NAALADL2: variants seen among roughly 807,000 people sequenced by gnomAD.
NAALADL2 encodes N-acetylated alpha-linked acidic dipeptidase like 2.
In NAALADL2, 76 loss-of-function variants were observed where a neutral mutation model predicts 87.2. The observed-to-expected ratio is 0.87, with a 90% CI of 0.72 to 1.05. The LOEUF (loss-of-function observed/expected upper bound fraction) is 1.05, where lower values mean the gene tolerates loss of function less well. Ranked by LOEUF, NAALADL2 falls within the 50% of genes least tolerant of loss-of-function variation. The pLI is 0.00. For synonymous variants in NAALADL2, 354 were observed against 331.0 expected, an observed-to-expected ratio of 1.07 and a Z score of -0.75; for missense variants, 1,089 against 945.8, an observed-to-expected ratio of 1.15 and a Z score of -1.99.
At chr3:174,609,589 T>G in intron 2 of NAALADL2, among the ~76,000 whole-genome samples, 1 of 152,048 alleles carries the variant, frequency 6.6e-6, no homozygotes, top group East Asian at 1.9e-4. Flanking sequence ...ATAAAATACC[T>G]AGGAATGCAA....
chr3:175,658,982 T>C (rs890943698), intron 11 of NAALADL2, among the ~76,000 whole-genome samples: 26 of 152,148 alleles, frequency 1.7e-4, no homozygotes, highest in African/African-American at 6.3e-4. Flanking sequence ...TGCATTTACA[T>C]GCTAAGGCTA....
intron 3 of NAALADL2, among the ~76,000 whole-genome samples, chr3:175,254,739 C>A (rs967889609): frequency 1.2e-4 from 18 of 152,108 alleles, no homozygotes; most frequent in Admixed American, 3.3e-4. Context: ...TTTACTTAAT[C>A]AGACTTTTAA....
At chr3:175,592,998 A>T (rs571981207) in intron 10 of NAALADL2, among the ~76,000 whole-genome samples, 62 of 152,188 alleles carry the variant, frequency 4.1e-4, no homozygotes, top group Admixed American at 2.7e-3. Context: ...ATTCTTTTTT[A>T]AAAAAATTAA....
chr3:174,607,909 C>G (rs577747103), intron 2 of NAALADL2, among the ~76,000 whole-genome samples: 101 of 151,748 alleles, frequency 6.7e-4, no homozygotes, highest in Admixed American at 1.6e-3. Context: ...TGACCACATA[C>G]TTGGAAGTAA....
At chr3:174,582,493 T>C (rs1578223914) in intron 2 of NAALADL2, among the ~76,000 whole-genome samples, 2 of 152,340 alleles carry the variant, frequency 1.3e-5, no homozygotes, top group East Asian at 1.9e-4. Flanking sequence ...AGGATTCTTA[T>C]TGGATAATAT....
chr3:174,645,072 G>C (rs976123603), intron 2 of NAALADL2, among the ~76,000 whole-genome samples: 9 of 152,110 alleles, frequency 5.9e-5, no homozygotes, highest in African/African-American at 1.7e-4. Context: ...AGCAAGGGCA[G>C]CCCTTGGCCA....
chr3:174,713,410 A>G (rs534228439), intron 2 of NAALADL2, among the ~76,000 whole-genome samples: 11 of 152,334 alleles, frequency 7.2e-5, no homozygotes, highest in African/African-American at 2.4e-4. Flanking sequence ...ACTAGTTTAC[A>G]GTCCCACCAA....
At chr3:174,918,787 C>G (rs1029021167) in intron 1 of NAALADL2, among the ~76,000 whole-genome samples, 2 of 152,150 alleles carry the variant, frequency 1.3e-5, no homozygotes, top group African/African-American at 2.4e-5. Context: ...ATGAAATAAA[C>G]TCTACCACTT....
chr3:174,926,033 C>A (rs567255131), intron 1 of NAALADL2, among the ~76,000 whole-genome samples: 1 of 152,252 alleles, frequency 6.6e-6, no homozygotes, highest in African/African-American at 2.4e-5. Context: ...GAGCTGAAAA[C>A]CATGGCACGA....
At chr3:175,304,034 T>C (rs1317685056) in intron 4 of NAALADL2, among the ~76,000 whole-genome samples, 1 of 151,226 alleles carries the variant, frequency 6.6e-6, no homozygotes, top group Non-Finnish European at 1.5e-5. Context: ...CATATGAAAA[T>C]GAGAGAAAGG....
At chr3:174,808,483 C>G (rs1344671277) in intron 3 of NAALADL2, among the ~76,000 whole-genome samples, 2 of 152,086 alleles carry the variant, frequency 1.3e-5, no homozygotes, top group Non-Finnish European at 2.9e-5. Flanking sequence ...AATATGTGAA[C>G]TAGATATAGC....
intron 3 of NAALADL2, among the ~76,000 whole-genome samples, chr3:174,832,150 A>G (rs1429902070): frequency 1.3e-5 from 2 of 151,834 alleles, no homozygotes; most frequent in Non-Finnish European, 2.9e-5. Flanking sequence ...CCTTCTGCTA[A>G]CTTTTGAATG....
intron 9 of NAALADL2, among the ~76,000 whole-genome samples, chr3:175,542,214 A>G (rs1712474923): frequency 6.6e-6 from 1 of 152,226 alleles, no homozygotes; most frequent in African/African-American, 2.4e-5. Flanking sequence ...CACTTTTATT[A>G]TTAATATTTT....
At chr3:175,613,448 T>G (rs1389930595) in intron 10 of NAALADL2, among the ~76,000 whole-genome samples, 1 of 152,248 alleles carries the variant, frequency 6.6e-6, no homozygotes, top group Non-Finnish European at 1.5e-5. Flanking sequence ...TGCATCGTAG[T>G]GTATTTTATT....
At chr3:175,313,795 T>G (rs1758688053) in intron 4 of NAALADL2, among the ~76,000 whole-genome samples, 1 of 152,142 alleles carries the variant, frequency 6.6e-6, no homozygotes, top group Non-Finnish European at 1.5e-5. Context: ...CCGGGCATGG[T>G]GGCTCACACC....
intron 9 of NAALADL2, among the ~76,000 whole-genome samples, chr3:175,475,999 G>A (rs1380225984): frequency 1.3e-5 from 2 of 152,128 alleles, no homozygotes; most frequent in African/African-American, 2.4e-5. Flanking sequence ...CTGGGATTAC[G>A]GCCATGAGCC....
chr3:174,855,353 G>A (rs1400243321), upstream of NAALADL2, among the ~76,000 whole-genome samples: 4 of 152,042 alleles, frequency 2.6e-5, no homozygotes, highest in African/African-American at 9.7e-5. Flanking sequence ...GTCCACCATT[G>A]ATTGAAACAT....
intron 3 of NAALADL2, among the ~76,000 whole-genome samples, chr3:174,745,763 C>G (rs1734194797): frequency 6.6e-6 from 1 of 152,100 alleles, no homozygotes; most frequent in Non-Finnish European, 1.5e-5. Context: ...CAGCTTCGTC[C>G]CTGGGATGCA....
At chr3:174,880,054 T>C (rs1257323438) in intron 1 of NAALADL2, among the ~76,000 whole-genome samples, 1 of 152,046 alleles carries the variant, frequency 6.6e-6, no homozygotes, top group African/African-American at 2.4e-5. Context: ...GCTTTCTTAA[T>C]ATTGGAGTGC....
Sources: gnomAD v4.1 joint callset for allele counts (sites outside exome capture counted in the v4.1 genomes callset) on GRCh38, gnomAD v4.1.1 for gene constraint, MANE v1.5 for transcripts, NCBI Gene and HGNC (gene_info 2026-07-23, HGNC 2026-07-21) for gene names.